NDE1: variants seen among roughly 807,000 people sequenced by gnomAD.
The protein encoded by NDE1 is nudE neurodevelopment protein 1.
In NDE1, 28 loss-of-function variants were observed where a neutral mutation model predicts 43.4. The ratio of observed to expected loss-of-function variants is 0.65; its 90% CI spans 0.48 to 0.89. NDE1 has a LOEUF of 0.89. Among genes scored for constraint, NDE1 ranks in the 40% least tolerant of loss-of-function variants. The probability of loss-of-function intolerance (pLI) is 0.00; values close to 1 mark genes in which losing one functional copy is unlikely to be tolerated. For missense variants in NDE1, 441 were observed against 434.1 expected (o/e 1.02, Z -0.14); for synonymous variants, 184 against 172.0 (o/e 1.07, Z -0.55).
intron 8 of NDE1, chr16:15,704,179 G>A: frequency 5.6e-6 from 9 of 1,603,770 alleles, no homozygotes; most frequent in Non-Finnish European, 7.7e-6. Context: ...GGTTGGGATA[G>A]ATTTTTTATA....
intron 6 of NDE1, among the ~76,000 whole-genome samples, chr16:15,693,004 T>TC (rs1491560000): frequency 7.1e-5 from 9 of 125,886 alleles, no homozygotes; most frequent in African/African-American, 2.9e-4. Flanking sequence ...TCTTTCTCTC[T>TC]TTTTTTTTTT....
chr16:15,680,022 G>A (rs1204819961), intron 4 of NDE1, among the ~76,000 whole-genome samples: 1 of 152,134 alleles, frequency 6.6e-6, no homozygotes, highest in East Asian at 1.9e-4. Flanking sequence ...GAGGTGATCT[G>A]CCTGCCTCGG....
At chr16:15,694,838 G>C (rs12922717) in intron 7 of NDE1, 42,023 of 985,226 alleles carry the variant, frequency 0.043, 2,525 homozygotes, top group African/African-American at 0.26. Flanking sequence ...AGGGTGATAT[G>C]TGTGTTTTTT....
intron 2 of NDE1, among the ~76,000 whole-genome samples, chr16:15,665,334 A>G (rs1284689191): frequency 6.6e-6 from 1 of 152,206 alleles, no homozygotes. Context: ...GAAGGCAGAT[A>G]ACTTGCTCAC....
chr16:15,718,310 C>T, intron 8 of NDE1: 2 of 1,608,710 alleles, frequency 1.2e-6, no homozygotes, highest in Middle Eastern at 1.7e-4. Context: ...CCAGGCGGCC[C>T]TCACCTGCTG....
chr16:15,719,097 C>T (rs1200346573), intron 8 of NDE1: 5 of 962,110 alleles, frequency 5.2e-6, no homozygotes, highest in Non-Finnish European at 6.4e-6. Context: ...CACTGCCCTC[C>T]AGCCTGGGTG....
intron 4 of NDE1, 26 bp downstream of exon 4, chr16:15,677,975 G>A: frequency 6.2e-7 from 1 of 1,613,568 alleles, no homozygotes. Context: ...AAAAGCACGA[G>A]TGGGAGACTC....
intron 3 of NDE1, among the ~76,000 whole-genome samples, chr16:15,674,396 C>T (rs1289288593): frequency 1.3e-5 from 2 of 151,984 alleles, no homozygotes; most frequent in African/African-American, 2.4e-5. Flanking sequence ...GACAACGCAC[C>T]ACCACACTCG....
At chr16:15,696,204 T>G (rs1161429746) in intron 7 of NDE1, among the ~76,000 whole-genome samples, 8 of 150,686 alleles carry the variant, frequency 5.3e-5, no homozygotes, top group Non-Finnish European at 8.8e-5. Flanking sequence ...AAAAAAATTT[T>G]TTGCATTAAA....
At chr16:15,677,752 C>T (rs943412775) in intron 3 of NDE1, 49 bp from the exon 4 acceptor site, 1 of 1,610,308 alleles carries the variant, frequency 6.2e-7, no homozygotes, top group Non-Finnish European at 8.5e-7. Flanking sequence ...TGTGTCTAGC[C>T]TTCTCAGAAG....
At chr16:15,707,072 T>G (rs1210936177) in intron 8 of NDE1, among the ~76,000 whole-genome samples, 2 of 152,142 alleles carry the variant, frequency 1.3e-5, no homozygotes, top group African/African-American at 2.4e-5. Context: ...AGAGTCTCGC[T>G]GTGTTGCCCA....
intron 5 of NDE1, among the ~76,000 whole-genome samples, chr16:15,688,464 A>G (rs994949357): frequency 3.3e-5 from 5 of 151,272 alleles, no homozygotes; most frequent in African/African-American, 1.2e-4. Flanking sequence ...GAGAAACCCC[A>G]TCTCTACTAA....
intron 8 of NDE1, among the ~76,000 whole-genome samples, chr16:15,705,231 C>T (rs922360157): frequency 1.3e-5 from 2 of 152,226 alleles, no homozygotes; most frequent in African/African-American, 4.8e-5. Flanking sequence ...ATCCACCTGT[C>T]TTAGCCTCTC....
rs576637764 is a variant in NDE1, at chr16:15,678,008, G to A, written c.386+59G>A. ...CTCTCCTCTCTGCTTTTTGTCCCCAGCAGCTGGGTACTGGGCCCTGTGCTG... is the reference window on the plus strand; with the variant it reads ...CTCTCCTCTCTGCTTTTTGTCCCCAACAGCTGGGTACTGGGCCCTGTGCTG... On this transcript the variant is annotated intron_variant, in intron 4 of 8. Transcript: ENST00000396354. 6.9e-6 allele frequency: 11 copies of A among 1,602,024 alleles called. No individual in the cohort carries two copies. The African/African-American group carries it at 9.4e-5, about 14-fold the overall frequency.
At chr16:15,646,568 G>A (rs904348391), upstream of NDE1, among the ~76,000 whole-genome samples, 1 of 150,800 alleles carries the variant, frequency 6.6e-6, no homozygotes, top group Non-Finnish European at 1.5e-5. Context: ...GCAACAGAAC[G>A]AGACTCCGTC....
intron 8 of NDE1, chr16:15,719,461 C>G: frequency 6.5e-7 from 1 of 1,532,898 alleles, no homozygotes; most frequent in Non-Finnish European, 8.9e-7. Context: ...AAGCGTGTGT[C>G]TTTCTAGACA....
At chr16:15,699,770 T>C (rs751237522) in intron 8 of NDE1, 11 of 1,351,474 alleles carry the variant, frequency 8.1e-6, no homozygotes, top group South Asian at 1.1e-5. Context: ...CCTTCACACA[T>C]GTCTTCATCG....
intron 8 of NDE1, chr16:15,719,731 G>A (rs2151204923): frequency 6.2e-7 from 1 of 1,613,852 alleles, no homozygotes. Flanking sequence ...AGTCAACAGG[G>A]AGGACAAGCT....
At chr16:15,718,387 C>T in intron 8 of NDE1, 1 of 1,603,340 alleles carries the variant, frequency 6.2e-7, no homozygotes, top group Non-Finnish European at 8.5e-7. Context: ...GCTCCTCCTC[C>T]AGCTGGGCGA....
Sources: allele counts gnomAD v4.1 joint callset (sites outside exome capture counted in the v4.1 genomes callset), GRCh38; gene constraint gnomAD v4.1.1; transcripts MANE v1.5; gene names NCBI Gene and HGNC (gene_info 2026-07-23, HGNC 2026-07-21).